The following ABCD3 variants were observed in gnomAD, a reference collection of about 807,000 sequenced individuals.
ABCD3 encodes ATP binding cassette subfamily D member 3.
Under a neutral mutation model 105.5 loss-of-function variants are expected in ABCD3, and 41 were observed. That is an observed-to-expected ratio of 0.39 (90% CI 0.30 to 0.50). The LOEUF (loss-of-function observed/expected upper bound fraction) is 0.50. Ranked by LOEUF, ABCD3 falls within the 20% of genes least tolerant of loss-of-function variation. The pLI is 0.84. For synonymous variants in ABCD3, 258 were observed against 269.0 expected, an observed-to-expected ratio of 0.96 and a Z score of 0.40; for missense variants, 622 against 806.3, an observed-to-expected ratio of 0.77 and a Z score of 2.77.
the ABCD3 span, among the ~76,000 whole-genome samples, chr1:94,412,344 A>G: frequency 6.6e-6 from 1 of 152,234 alleles, no homozygotes; most frequent in African/African-American, 2.4e-5. Context: ...ATCTATAAGC[A>G]AATAAGTATA....
chr1:94,503,545 C>T (rs529808326), intron 20 of ABCD3, among the ~76,000 whole-genome samples: 4 of 152,260 alleles, frequency 2.6e-5, no homozygotes, highest in African/African-American at 9.6e-5. Flanking sequence ...TAGTCCTTCT[C>T]TTGTGGAAAG....
the ABCD3 span, among the ~76,000 whole-genome samples, chr1:94,392,116 G>A: frequency 2.0e-5 from 3 of 152,130 alleles, no homozygotes; most frequent in African/African-American, 7.2e-5. Context: ...CTGCCTCTGT[G>A]GTAATTAATG....
At chr1:94,489,848 A>G (rs1247448442) in intron 14 of ABCD3, 32 bp downstream of exon 14, 4 of 1,611,968 alleles carry the variant, frequency 2.5e-6, no homozygotes, top group African/African-American at 2.7e-5. Context: ...TAAGGTCACA[A>G]TTTTAAGTGT....
the ABCD3 span, among the ~76,000 whole-genome samples, chr1:94,395,667 A>T: frequency 7.5e-4 from 115 of 152,346 alleles, 2 homozygotes; most frequent in African/African-American, 2.7e-3. Flanking sequence ...AGTGCCAAAG[A>T]GATGGCAAAT....
chr1:94,480,145 G>T, intron 8 of ABCD3: 1 of 332,608 alleles, frequency 3.0e-6, no homozygotes, highest in East Asian at 6.4e-5. Context: ...AATCTTAAGA[G>T]ATTATCAAGA....
At chr1:94,413,035 GGTT>G in the ABCD3 span, among the ~76,000 whole-genome samples, 1 of 151,722 alleles carries the variant, frequency 6.6e-6, no homozygotes, top group African/African-American at 2.4e-5. Context: ...CCTGTTTACA[GGTT>G]GTTTTTAATC....
At position 94,487,769 on chromosome 1, in the gene ABCD3, G is replaced by A. The variant is rs763119622; in HGVS notation, c.1043G>A (p.Ser348Asn). The change falls in exon 12 of 23, where the codon AGT becomes AAT. Residue 348 changes from serine to asparagine, a missense_variant. This residue lies in a region of ABCD3 where 245 missense variants were observed against 356.4 expected (regional missense o/e 0.69). Coordinates refer to ENST00000370214, the MANE Select transcript of ABCD3 (RefSeq NM_002858.4). ...LDLSHPRHLK[S>N]THSELLEDYY... ...TTGTCTCATCCTCGACATCTCAAGA[G>A]TACACATTCGGAACTTCTAGAGGTA... 7 of 1,613,802 alleles carry A rather than the reference G, an allele frequency of 4.3e-6. No homozygotes were observed. The South Asian group carries it at 7.7e-5, about 18-fold the overall frequency.
the ABCD3 span, among the ~76,000 whole-genome samples, chr1:94,387,180 C>T: frequency 6.6e-6 from 1 of 152,150 alleles, no homozygotes; most frequent in Non-Finnish European, 1.5e-5. Context: ...TTGCCAAGTG[C>T]CTGGGTGTGT....
At chr1:94,514,493 A>G (rs750290068) in intron 21 of ABCD3, 1 of 151,988 alleles carries the variant, frequency 6.6e-6, no homozygotes, top group African/African-American at 2.4e-5. Context: ...CGTATTCACA[A>G]TCTGAAATCC....
chr1:94,450,313 C>G (rs761558096), intron 1 of ABCD3, among the ~76,000 whole-genome samples: 1 of 152,038 alleles, frequency 6.6e-6, no homozygotes, highest in African/African-American at 2.4e-5. Context: ...ATGTTGGGAA[C>G]AGGCCCCCCA....
chr1:94,438,110 AAC>A (rs900512729), intron 1 of ABCD3, among the ~76,000 whole-genome samples: 4 of 151,974 alleles, frequency 2.6e-5, no homozygotes, highest in African/African-American at 9.7e-5. Flanking sequence ...AACATGGTGA[AAC>A]CCCATCTCTA....
At chr1:94,489,263 T>A (rs1354046869) in intron 13 of ABCD3, among the ~76,000 whole-genome samples, 2 of 152,112 alleles carry the variant, frequency 1.3e-5, no homozygotes, top group Non-Finnish European at 2.9e-5. Flanking sequence ...ATCTTTCAGA[T>A]TCTTCCGTTT....
At chr1:94,409,748 A>G in the ABCD3 span, among the ~76,000 whole-genome samples, 1 of 152,238 alleles carries the variant, frequency 6.6e-6, no homozygotes, top group Non-Finnish European at 1.5e-5. Flanking sequence ...ATAGTGGTAC[A>G]GAATCCAGAA....
the ABCD3 span, among the ~76,000 whole-genome samples, chr1:94,394,718 A>T: frequency 6.6e-6 from 1 of 152,182 alleles, no homozygotes; most frequent in South Asian, 2.1e-4. Context: ...CACGTGTCTT[A>T]GGTTCCTACT....
At chr1:94,511,593 A>G (rs1007085448) in intron 21 of ABCD3, among the ~76,000 whole-genome samples, 6 of 152,228 alleles carry the variant, frequency 3.9e-5, no homozygotes, top group South Asian at 2.1e-4. Flanking sequence ...GTGTTTTCCA[A>G]CTTGGTTCCA....
Sources: allele counts gnomAD v4.1 joint callset (sites outside exome capture counted in the v4.1 genomes callset), GRCh38; gene constraint gnomAD v4.1.1; regional missense constraint gnomAD v4.1.1; transcripts MANE v1.5; gene names NCBI Gene and HGNC (gene_info 2026-07-23, HGNC 2026-07-21).